Variants in ACAP2 observed in about 807,000 individuals in gnomAD.
ACAP2 encodes the protein arf-GAP with coiled-coil, ANK repeat and PH domain-containing protein 2.
In ACAP2, 39 loss-of-function variants were observed where a neutral mutation model predicts 115.8. The ratio of observed to expected loss-of-function variants is 0.34; its 90% CI spans 0.26 to 0.44. ACAP2 has a LOEUF of 0.44. Ranked by LOEUF, ACAP2 falls within the 20% of genes least tolerant of loss-of-function variation. ACAP2 has a pLI of 1.00. For synonymous variants in ACAP2, 289 were observed against 315.8 expected (o/e 0.92, Z 0.90); for missense variants, 662 against 927.6 (o/e 0.71, Z 3.72).
intron 9 of ACAP2, among the ~76,000 whole-genome samples, chr3:195,323,716 C>T (rs1729593994): frequency 1.3e-5 from 2 of 151,842 alleles, no homozygotes; most frequent in South Asian, 4.2e-4. Context: ...AACAACTGGA[C>T]TCAGGGAGCT....
chr3:195,337,359 G>A (rs1730570685), intron 6 of ACAP2, among the ~76,000 whole-genome samples: 1 of 151,492 alleles, frequency 6.6e-6, no homozygotes, highest in Non-Finnish European at 1.5e-5. Flanking sequence ...GTCTTTTCCA[G>A]ACTGCTGCAA....
chr3:195,390,375 T>A (rs1443691982), intron 2 of ACAP2, among the ~76,000 whole-genome samples: 1 of 152,138 alleles, frequency 6.6e-6, no homozygotes, highest in South Asian at 2.1e-4. Context: ...TACTATATAT[T>A]ACAGGGCTTT....
At chr3:195,371,104 T>C (rs1234453364) in intron 4 of ACAP2, among the ~76,000 whole-genome samples, 1 of 152,196 alleles carries the variant, frequency 6.6e-6, no homozygotes, top group Non-Finnish European at 1.5e-5. Context: ...GTGAAGACTA[T>C]CATTGATAGT....
chr3:195,397,124 T>C (rs1337479642), intron 1 of ACAP2, among the ~76,000 whole-genome samples: 1 of 152,218 alleles, frequency 6.6e-6, no homozygotes, highest in African/African-American at 2.4e-5. Context: ...TTTGAAACTG[T>C]TGTATTCTTT....
At chr3:195,282,020 G>A (rs1412001848) in intron 22 of ACAP2, 1 of 152,140 alleles carries the variant, frequency 6.6e-6, no homozygotes, top group Non-Finnish European at 1.5e-5. Flanking sequence ...ATACATTCAA[G>A]AAGAAATAGG....
chr3:195,354,492 G>A (rs1377304629), intron 4 of ACAP2, among the ~76,000 whole-genome samples: 2 of 152,144 alleles, frequency 1.3e-5, no homozygotes, highest in Non-Finnish European at 2.9e-5. Flanking sequence ...TTTGAGAAAT[G>A]TCTGTTCATG....
At position 195,441,130 on chromosome 3, in the gene ACAP2, T is replaced by TAA. The variant is rs58154058; in HGVS notation, c.53+1663_53+1664dup. Among the ~76,000 whole-genome samples the TAA allele has an allele frequency of 6.3e-4, 90 of 143,450 alleles. 1 individual carries two copies. In the East Asian group the frequency reaches 7.5e-3, roughly 12 times the overall value. The allele number at this position is 143,450 out of a possible 152,430, so 94.1% of individuals were successfully genotyped here. Reference sequence around the variant, plus strand: ...TATTTCCAAATCACTTCTCTCAACTTAAAAAAAAAAAAAAATTAATGTGAA... The same window carrying TAA: ...TATTTCCAAATCACTTCTCTCAACTTAAAAAAAAAAAAAAAAATTAATGTGAA... On this transcript the variant is annotated intron_variant, in intron 1 of 22. Transcript: ENST00000326793.
chr3:195,365,057 T>C (rs968508967), intron 4 of ACAP2, among the ~76,000 whole-genome samples: 3 of 152,168 alleles, frequency 2.0e-5, no homozygotes, highest in African/African-American at 2.4e-5. Context: ...TTCTCACTTA[T>C]TTGTGGGAGG....
chr3:195,375,577 C>T (rs577196026), intron 4 of ACAP2, among the ~76,000 whole-genome samples: 34 of 151,320 alleles, frequency 2.2e-4, no homozygotes, highest in African/African-American at 8.0e-4. Flanking sequence ...TTTGGGAAGC[C>T]GAGGCAGGAT....
chr3:195,357,899 A>G (rs1332246770), intron 4 of ACAP2: 1 of 152,368 alleles, frequency 6.6e-6, no homozygotes, highest in Non-Finnish European at 1.5e-5. Flanking sequence ...TTCACAAGGC[A>G]GCAGAGGGGA....
At chr3:195,419,844 T>A (rs945193888) in intron 1 of ACAP2, among the ~76,000 whole-genome samples, 1 of 152,198 alleles carries the variant, frequency 6.6e-6, no homozygotes, top group African/African-American at 2.4e-5. Context: ...CTTACATACA[T>A]CGGAGTCTGT....
chr3:195,288,453 T>A (rs1726993512), intron 21 of ACAP2, among the ~76,000 whole-genome samples: 1 of 152,120 alleles, frequency 6.6e-6, no homozygotes, highest in African/African-American at 2.4e-5. Flanking sequence ...CTGTTAGCAC[T>A]GTGTGCAAGT....
intron 21 of ACAP2, among the ~76,000 whole-genome samples, chr3:195,286,489 A>T (rs1312570738): frequency 6.6e-6 from 1 of 152,158 alleles, no homozygotes; most frequent in African/African-American, 2.4e-5. Flanking sequence ...AAATAGGCAA[A>T]TATTGTGTTT....
chr3:195,319,649 T>C (rs1729319872), intron 10 of ACAP2, among the ~76,000 whole-genome samples: 1 of 152,216 alleles, frequency 6.6e-6, no homozygotes, highest in African/African-American at 2.4e-5. Context: ...TATTTTCCCA[T>C]CTGGAATGGG....
rs753081547 is a variant in ACAP2 at position 195,294,744 on chromosome 3, C to T, written c.1740G>A (p.Val580=). ...DDGRESLPST[V]SANSLYEPEG... is the part of the protein sequence containing the mutation. ...CAGGCTCATATAAACTATTGGCTGA[C>T]ACCGTGGAGGGTAAAGATTCTCTTC... The change falls in exon 18 of 23, where the codon GTG becomes GTA. Residue 580 remains valine (V), a synonymous_variant. Coordinates refer to ENST00000326793, the MANE Select transcript of ACAP2 (RefSeq NM_012287.6). 5 of 1,608,488 alleles carry T rather than the reference C, an allele frequency of 3.1e-6. No individual in the cohort carries two copies. The highest frequency in any genetic ancestry group is 3.3e-5 in the Admixed American group (2 of 59,816).
intron 10 of ACAP2, among the ~76,000 whole-genome samples, chr3:195,315,289 G>A (rs532617353): frequency 6.6e-6 from 1 of 152,206 alleles, no homozygotes; most frequent in Non-Finnish European, 1.5e-5. Context: ...CCAAACTGCT[G>A]GGATTAGAGG....
At chr3:195,369,349 A>G (rs974429287) in intron 4 of ACAP2, among the ~76,000 whole-genome samples, 1 of 152,174 alleles carries the variant, frequency 6.6e-6, no homozygotes, top group Non-Finnish European at 1.5e-5. Context: ...TTTGATGTAC[A>G]GATTGTTTCA....
At chr3:195,281,143 C>T (rs573156800) in intron 22 of ACAP2, among the ~76,000 whole-genome samples, 174 of 152,288 alleles carry the variant, frequency 1.1e-3, no homozygotes, top group African/African-American at 3.6e-3. Flanking sequence ...GGGTGGCTCA[C>T]GCCTCTAATC....
At chr3:195,384,120 T>C (rs780631906) in intron 2 of ACAP2, among the ~76,000 whole-genome samples, 3 of 152,194 alleles carry the variant, frequency 2.0e-5, no homozygotes, top group Non-Finnish European at 4.4e-5. Flanking sequence ...ATTTCACTTT[T>C]TAAAATGTAT....
Sources: allele counts gnomAD v4.1 joint callset (sites outside exome capture counted in the v4.1 genomes callset), GRCh38; gene constraint gnomAD v4.1.1; transcripts MANE v1.5; gene names NCBI Gene and HGNC (gene_info 2026-07-23, HGNC 2026-07-21).